Variants in TANC2 observed in about 807,000 individuals in gnomAD.
TANC2 encodes protein TANC2.
Under a neutral mutation model 210.5 loss-of-function variants are expected in TANC2, and 26 were observed. The observed-to-expected ratio is 0.12, with a 90% CI of 0.09 to 0.17. The LOEUF is 0.17. Ranked by LOEUF, TANC2 falls within the 10% of genes least tolerant of loss-of-function variation. The pLI is 1.00. For missense variants in TANC2, 2,129 were observed against 2,608.9 expected, an observed-to-expected ratio of 0.82 and a Z score of 4.01; for synonymous variants, 931 against 967.1, an observed-to-expected ratio of 0.96 and a Z score of 0.69.
chr17:63,096,257 T>C (rs2037383810), intron 3 of TANC2, among the ~76,000 whole-genome samples: 1 of 152,046 alleles, frequency 6.6e-6, no homozygotes, highest in South Asian at 2.1e-4. Flanking sequence ...AAAAGAAATG[T>C]TGGAAGAGAA....
intron 10 of TANC2, among the ~76,000 whole-genome samples, chr17:63,317,966 G>A (rs2045366221): frequency 6.6e-6 from 1 of 152,174 alleles, no homozygotes; most frequent in Non-Finnish European, 1.5e-5. Flanking sequence ...TACAATCACT[G>A]AACTTCACCT....
At chr17:63,126,651 AGCCT>A (rs1330864785) in intron 4 of TANC2, among the ~76,000 whole-genome samples, 1 of 152,090 alleles carries the variant, frequency 6.6e-6, no homozygotes, top group Non-Finnish European at 1.5e-5. Flanking sequence ...TCAGGTGATC[AGCCT>A]GCCTCGGCCT....
chr17:63,153,512 G>A (rs973295637), intron 5 of TANC2: 3 of 152,178 alleles, frequency 2.0e-5, no homozygotes, highest in African/African-American at 7.2e-5. Context: ...TCCAAATGCA[G>A]ATTGGTGGGC....
intron 4 of TANC2, among the ~76,000 whole-genome samples, chr17:63,128,510 A>C (rs569314773): frequency 6.6e-6 from 1 of 152,364 alleles, no homozygotes; most frequent in Non-Finnish European, 1.5e-5. Flanking sequence ...TGCAGTTTAC[A>C]CAAAAAAGAA....
chr17:63,071,652 A>C (rs1197560189), intron 2 of TANC2, among the ~76,000 whole-genome samples: 1 of 152,156 alleles, frequency 6.6e-6, no homozygotes, highest in African/African-American at 2.4e-5. Context: ...TTTTGGGAAA[A>C]ACATTTTTTT....
intron 5 of TANC2, among the ~76,000 whole-genome samples, chr17:63,175,527 C>CCCG (rs1229830987): frequency 9.4e-5 from 8 of 84,838 alleles, no homozygotes; most frequent in African/African-American, 5.8e-4. Flanking sequence ...ACCCTGTCTC[C>CCCG]CCCGCCAAAA....
chr17:63,336,754 T>A (rs1394673961), intron 11 of TANC2, among the ~76,000 whole-genome samples: 1 of 152,080 alleles, frequency 6.6e-6, no homozygotes, highest in Non-Finnish European at 1.5e-5. Flanking sequence ...ATGAAAAAAA[T>A]AATGTAAGAA....
At chr17:63,006,420 T>G (rs924731912) in intron 1 of TANC2, among the ~76,000 whole-genome samples, 1 of 152,154 alleles carries the variant, frequency 6.6e-6, no homozygotes, top group Non-Finnish European at 1.5e-5. Flanking sequence ...TTAAAATCAT[T>G]GCTTTAGTTT....
intron 9 of TANC2, among the ~76,000 whole-genome samples, chr17:63,271,247 C>T (rs1166094204): frequency 6.6e-6 from 1 of 152,082 alleles, no homozygotes; most frequent in African/African-American, 2.4e-5. Context: ...CTGTTTTCCA[C>T]AGTGGTTGAA....
chr17:63,396,052 C>G (rs559381139), intron 18 of TANC2, 124 bp downstream of exon 18: 2 of 879,210 alleles, frequency 2.3e-6, no homozygotes, highest in Admixed American at 2.8e-5. Flanking sequence ...GATCGCTGCT[C>G]TGAATAATAA....
chr17:63,171,477 A>C (rs1253929399), intron 5 of TANC2, among the ~76,000 whole-genome samples: 1 of 152,208 alleles, frequency 6.6e-6, no homozygotes, highest in Non-Finnish European at 1.5e-5. Context: ...TTACATTATA[A>C]TTCTGAGTAG....
chr17:63,259,918 G>GT (rs2043307002), intron 8 of TANC2, among the ~76,000 whole-genome samples: 1 of 151,932 alleles, frequency 6.6e-6, no homozygotes, highest in African/African-American at 2.4e-5. Flanking sequence ...GCTTTTGTTT[G>GT]TTTTTTCATT....
chr17:63,414,733 A>G (rs2048807821), intron 25 of TANC2, among the ~76,000 whole-genome samples: 1 of 152,244 alleles, frequency 6.6e-6, no homozygotes, highest in African/African-American at 2.4e-5. Context: ...TTGTAACTAT[A>G]GAGAAGGAAT....
chr17:62,980,815 C>T (rs2032260655), intron 1 of TANC2, among the ~76,000 whole-genome samples: 1 of 152,204 alleles, frequency 6.6e-6, no homozygotes, highest in Non-Finnish European at 1.5e-5. Flanking sequence ...TTAATTCTTT[C>T]ATCTCACTGG....
chr17:63,211,405 G>C (rs915247606), intron 7 of TANC2, among the ~76,000 whole-genome samples: 4 of 150,788 alleles, frequency 2.7e-5, no homozygotes, highest in Non-Finnish European at 5.9e-5. Context: ...AGCGGCAATA[G>C]TTTTTTTTTC....
chr17:63,098,515 G>GTAAAAATTTATATATA (rs2037497463), intron 3 of TANC2, among the ~76,000 whole-genome samples: 1 of 126,754 alleles, frequency 7.9e-6, no homozygotes, highest in African/African-American at 2.9e-5. Context: ...CTCTCTGTGT[G>GTAAAAATTTATATATA]TATATATATA....
At chr17:63,106,097 TA>T (rs1386193757) in intron 4 of TANC2, among the ~76,000 whole-genome samples, 1 of 151,580 alleles carries the variant, frequency 6.6e-6, no homozygotes, top group African/African-American at 2.4e-5. Flanking sequence ...GTTTATGAGA[TA>T]AAGATTAGGC....
chr17:63,011,741 C>G (rs757730729), intron 2 of TANC2, among the ~76,000 whole-genome samples: 1 of 151,900 alleles, frequency 6.6e-6, no homozygotes, highest in Non-Finnish European at 1.5e-5. Flanking sequence ...TATAAGGACT[C>G]CAGGTTTTTT....
At chr17:63,186,584 C>T (rs2040993038) in intron 5 of TANC2, among the ~76,000 whole-genome samples, 1 of 152,012 alleles carries the variant, frequency 6.6e-6, no homozygotes, top group Non-Finnish European at 1.5e-5. Flanking sequence ...AACTCCTGAC[C>T]TCAGGTGATC....
Sources: allele counts gnomAD v4.1 joint callset (sites outside exome capture counted in the v4.1 genomes callset), GRCh38; gene constraint gnomAD v4.1.1; transcripts MANE v1.5; gene names NCBI Gene and HGNC (gene_info 2026-07-23, HGNC 2026-07-21).